The following KIF13A variants were observed in gnomAD, a reference collection of about 807,000 sequenced individuals.
The protein encoded by KIF13A is kinesin family member 13A.
KIF13A carries 79 observed loss-of-function variants against 212.2 expected under a neutral mutation model. The ratio of observed to expected loss-of-function variants is 0.37; its 90% CI spans 0.31 to 0.45. The LOEUF is 0.45. Among genes scored for constraint, KIF13A ranks in the 20% least tolerant of loss-of-function variants. The pLI is 1.00. For synonymous variants in KIF13A, 789 were observed against 808.6 expected (o/e 0.98, Z 0.41); for missense variants, 1,901 against 2,209.0 (o/e 0.86, Z 2.79).
rs1050385758 is a variant in KIF13A, at chr6:17,971,646, A to C, written c.146+15408T>G. ...TGTCATGTTGCCCAGGCTGGTCTCA[A>C]GCTCCTGGGCCCAAGCGATCCTCCC... On this transcript the variant is annotated intron_variant, in intron 2 of 38. Coordinates refer to ENST00000259711, the MANE Select transcript of KIF13A (RefSeq NM_022113.6). This position sits in a 1 kb window ranked among gnomAD's most constrained non-coding sequence, Gnocchi z 4.2. Among the ~76,000 whole-genome samples the C allele has an allele frequency of 6.6e-6, 1 of 152,080 alleles. No homozygotes were observed. Among genetic ancestry groups the C allele is most frequent in the African/African-American group, 2.4e-5 (1 of 41,394 alleles).
chr6:17,938,122 T>G (rs375249546), intron 2 of KIF13A, among the ~76,000 whole-genome samples: 218 of 152,260 alleles, frequency 1.4e-3, no homozygotes, highest in African/African-American at 5.0e-3. Flanking sequence ...CTTGAACTCC[T>G]GGCCTCAAGT....
chr6:17,882,485 G>T (rs1771159967), intron 3 of KIF13A, among the ~76,000 whole-genome samples: 1 of 151,900 alleles, frequency 6.6e-6, no homozygotes. Context: ...ATATACATCA[G>T]ATTTTTGCAA....
rs1924465 is a variant in KIF13A, at chr6:17,772,447, A to G, written c.4325-388T>C. On this transcript the variant is annotated intron_variant, in intron 36 of 38. Transcript: ENST00000259711. This position sits in a 1 kb window ranked among gnomAD's most constrained non-coding sequence, Gnocchi z 4.8. The stretch of plus-strand genomic sequence containing the variant: ...AACAAAAAAACCCCACAAACAACAA[A>G]CAACAAACAAAAAAACCCCCAAAAA... Among the ~76,000 whole-genome samples, 9,672 of 152,208 alleles carry G rather than the reference A, an allele frequency of 0.064. 333 individuals are homozygous for G. Among genetic ancestry groups the G allele is most frequent in the Middle Eastern group, 0.072 (21 of 292 alleles).
chr6:17,841,438 G>C (rs961409604), intron 9 of KIF13A, among the ~76,000 whole-genome samples: 8 of 152,196 alleles, frequency 5.3e-5, no homozygotes, highest in African/African-American at 1.9e-4. Flanking sequence ...AGATGCATAT[G>C]CTAATAAAAT....
At position 17,900,254 on chromosome 6, in the gene KIF13A, A is replaced by G. The variant is rs992030731; in HGVS notation, c.147-2074T>C. Among the ~76,000 whole-genome samples the G allele has an allele frequency of 2.0e-5, 3 of 152,188 alleles. No homozygotes were observed. Among genetic ancestry groups the G allele is most frequent in the Admixed American group, 2.0e-4 (3 of 15,280 alleles). ...CTTTATGCCACAGCCACAGCACAAT[A>G]ATAACCACCACCAGCAGCAATGAAC... is the stretch of plus-strand genomic sequence containing the variant. On this transcript the variant is annotated intron_variant, in intron 2 of 38. Coordinates refer to ENST00000259711, the MANE Select transcript of KIF13A (RefSeq NM_022113.6). The surrounding 1 kb of genome is among the most constrained non-coding windows in gnomAD (Gnocchi z 4.6).
rs1779814818 is a variant in KIF13A at position 17,971,635 on chromosome 6, G to C, written c.146+15419C>G. On this transcript the variant is annotated intron_variant, in intron 2 of 38. Transcript: ENST00000259711. This position sits in a 1 kb window ranked among gnomAD's most constrained non-coding sequence, Gnocchi z 4.2. Reference sequence around the variant, plus strand: ...AGATGGGGTTTTGTCATGTTGCCCAGGCTGGTCTCAAGCTCCTGGGCCCAA... The same window carrying C: ...AGATGGGGTTTTGTCATGTTGCCCACGCTGGTCTCAAGCTCCTGGGCCCAA... Among the ~76,000 whole-genome samples, 1 of 151,992 alleles carries C rather than the reference G, an allele frequency of 6.6e-6. No homozygotes were observed. The highest frequency in any genetic ancestry group is 1.5e-5 in the Non-Finnish European group (1 of 68,008).
chr6:17,909,941 T>C (rs919274654), intron 2 of KIF13A, among the ~76,000 whole-genome samples: 12 of 152,270 alleles, frequency 7.9e-5, no homozygotes, highest in South Asian at 2.1e-4. Context: ...ATTATATAAA[T>C]ATGTATAAAG....
intron 2 of KIF13A, among the ~76,000 whole-genome samples, chr6:17,972,747 G>A (rs1254125954): frequency 2.8e-5 from 4 of 144,812 alleles, no homozygotes; most frequent in Non-Finnish European, 6.0e-5. Flanking sequence ...GTCTCCCCAA[G>A]ACAATACAAA....
At chr6:17,922,395 C>G (rs967502204) in intron 2 of KIF13A, among the ~76,000 whole-genome samples, 1 of 151,946 alleles carries the variant, frequency 6.6e-6, no homozygotes, top group African/African-American at 2.4e-5. Context: ...AAAAATAAAC[C>G]ATGGTACTCC....
chr6:17,884,676 T>G (rs181889672), intron 3 of KIF13A, among the ~76,000 whole-genome samples: 40 of 152,336 alleles, frequency 2.6e-4, no homozygotes, highest in Admixed American at 2.5e-3. Flanking sequence ...GGGAAAAAAG[T>G]CTGCTCTATG....
intron 29 of KIF13A, among the ~76,000 whole-genome samples, chr6:17,781,614 T>C (rs1394391513): frequency 1.4e-5 from 2 of 147,862 alleles, no homozygotes; most frequent in Admixed American, 6.9e-5. Flanking sequence ...GGTGAGCCAC[T>C]GTACTTGGGT....
At chr6:17,827,479 T>G (rs921447154) in intron 14 of KIF13A, among the ~76,000 whole-genome samples, 8 of 151,434 alleles carry the variant, frequency 5.3e-5, no homozygotes, top group Non-Finnish European at 1.2e-4. Flanking sequence ...AACTGGAGGA[T>G]GGGTCCATGG....
chr6:17,951,290 G>C lies in KIF13A; in HGVS notation c.146+35764C>G, dbSNP rs1361084052. 5.0e-6 allele frequency: 3 copies of C among 604,550 alleles called. No homozygotes were observed. In the Admixed American group the frequency reaches 8.7e-5, roughly 18 times the overall value. 37.4% of individuals were successfully genotyped at this position (604,550 alleles called of 1,614,324 possible). ...CCACAGGTATGCGCCACCACGTCCA[G>C]CTAATTTTAAACAAATTTTTTGTAG... On this transcript the variant is annotated intron_variant, in intron 2 of 38. Coordinates refer to ENST00000259711, the MANE Select transcript of KIF13A (RefSeq NM_022113.6). This position sits in a 1 kb window ranked among gnomAD's most constrained non-coding sequence, Gnocchi z 4.9.
intron 9 of KIF13A, among the ~76,000 whole-genome samples, chr6:17,846,390 A>C (rs777446069): frequency 5.3e-5 from 8 of 152,158 alleles, no homozygotes; most frequent in Non-Finnish European, 1.2e-4. Context: ...TGCTCTGAAA[A>C]GTATAAAGAA....
At position 17,831,057 on chromosome 6, in the gene KIF13A, T is replaced by C. The variant is rs374800263; in HGVS notation, c.1401+44A>G. The C allele has an allele frequency of 4.3e-5, 67 of 1,571,098 alleles. No individual in the cohort carries two copies. The African/African-American group carries it at 7.2e-4, about 17-fold the overall frequency. On this transcript the variant is annotated intron_variant, in intron 13 of 38. Transcript: ENST00000259711. ...CACCCAGATTCAACTACGAACTGTA[T>C]AGGAATGAATCTTGATTGCATATGT...
chr6:17,903,978 C>T (rs1473955648), intron 2 of KIF13A, among the ~76,000 whole-genome samples: 1 of 151,056 alleles, frequency 6.6e-6, no homozygotes, highest in East Asian at 2.0e-4. Flanking sequence ...CACAGTAAGA[C>T]CCCATCTTTA....
intron 11 of KIF13A, among the ~76,000 whole-genome samples, chr6:17,835,423 ATTTTCAAGGTTT>A (rs1225695454): frequency 2.0e-5 from 3 of 151,982 alleles, no homozygotes; most frequent in African/African-American, 7.3e-5. Flanking sequence ...CATCATGACT[ATTTTCAAGGTTT>A]ATCAGCATTT....
Position 17,982,282 on chromosome 6 carries a change from G to A in KIF13A, c.146+4772C>T, listed in dbSNP as rs975877792. The A allele has an allele frequency of 5.2e-6, 1 of 192,148 alleles. No individual in the cohort carries two copies. Among genetic ancestry groups the A allele is most frequent in the Non-Finnish European group, 9.5e-6 (1 of 104,898 alleles). The allele number at this position is 192,148 out of a possible 1,614,324, so 11.9% of individuals were successfully genotyped here. On this transcript the variant is annotated intron_variant, in intron 2 of 38. Coordinates refer to ENST00000259711, the MANE Select transcript of KIF13A (RefSeq NM_022113.6). The surrounding 1 kb of genome is among the most constrained non-coding windows in gnomAD (Gnocchi z 5.1). The stretch of plus-strand genomic sequence containing the variant: ...GGCTAACTTTTGTATTTTTTTAGTG[G>A]AGACAGGGTTTCACCATGTTGGCCA...
chr6:17,790,236 G>C (rs1761418442), intron 25 of KIF13A, among the ~76,000 whole-genome samples: 1 of 151,964 alleles, frequency 6.6e-6, no homozygotes, highest in Admixed American at 6.6e-5. Flanking sequence ...GACCCCATCT[G>C]TACAAAAAAT....
Sources: allele counts gnomAD v4.1 joint callset (sites outside exome capture counted in the v4.1 genomes callset), GRCh38; gene constraint gnomAD v4.1.1; non-coding constraint Gnocchi (gnomAD v3.1); transcripts MANE v1.5; gene names NCBI Gene and HGNC (gene_info 2026-07-23, HGNC 2026-07-21).